PCSK5: variants seen among roughly 807,000 people sequenced by gnomAD.
The protein encoded by PCSK5 is proprotein convertase subtilisin/kexin type 5, also known as prohormone convertase 5.
In PCSK5, 129 loss-of-function variants were observed where a neutral mutation model predicts 233.2. The observed-to-expected ratio is 0.55, with a 90% CI of 0.48 to 0.64. The LOEUF is 0.64. Among genes scored for constraint, PCSK5 ranks in the 30% least tolerant of loss-of-function variants. The pLI is 0.00. For synonymous variants in PCSK5, 825 were observed against 879.2 expected (o/e 0.94, Z 1.09); for missense variants, 2,076 against 2,430.1 (o/e 0.85, Z 3.06).
intron 30 of PCSK5, 94 bp from the exon 31 acceptor site, chr9:76,321,328 C>T: frequency 2.9e-6 from 2 of 698,224 alleles, no homozygotes; most frequent in South Asian, 3.2e-5. Context: ...CAGCAGCAGC[C>T]CTTTTGTTTT....
intron 24 of PCSK5, chr9:76,286,375 T>G (rs1218418163): frequency 1.3e-5 from 2 of 152,262 alleles, no homozygotes; most frequent in African/African-American, 4.8e-5. Flanking sequence ...TGCCCACATC[T>G]GAACACATTC....
At chr9:76,118,382 T>G (rs1254176352) in intron 9 of PCSK5, among the ~76,000 whole-genome samples, 2 of 152,294 alleles carry the variant, frequency 1.3e-5, no homozygotes, top group East Asian at 3.9e-4. Context: ...ATTTTCTTAC[T>G]TGTATGAAAT....
chr9:76,170,939 G>A (rs1455926709), intron 13 of PCSK5, among the ~76,000 whole-genome samples: 2 of 152,114 alleles, frequency 1.3e-5, no homozygotes, highest in African/African-American at 4.8e-5. Flanking sequence ...CTGTAATGAG[G>A]TTCATCTTTG....
rs568698897 is a variant in PCSK5, at chr9:76,212,627, T to C, written c.2627-14876T>C. 3.3e-5 allele frequency among the ~76,000 whole-genome samples: 5 copies of C among 152,340 alleles called. No homozygotes were observed. The South Asian group carries it at 1.0e-3, about 32-fold the overall frequency. ...TGCTACCACCATTTTCTTAACTCAC[T>C]CAAGTTTAAGTCCATCAACTCGACT... On this transcript the variant is annotated intron_variant, in intron 20 of 37. Transcript: ENST00000674117.
intron 2 of PCSK5, among the ~76,000 whole-genome samples, chr9:75,966,676 G>A (rs933926108): frequency 9.2e-5 from 14 of 152,188 alleles, no homozygotes; most frequent in Non-Finnish European, 8.8e-5. Context: ...TTTGTAGGAA[G>A]GGTGGTAGTG....
chr9:75,968,042 G>A (rs1009933053), intron 2 of PCSK5, among the ~76,000 whole-genome samples: 8 of 152,212 alleles, frequency 5.3e-5, no homozygotes, highest in African/African-American at 1.4e-4. Context: ...GATTACAGAC[G>A]TGAGCCACTG....
chr9:75,966,634 C>T (rs1420803418), intron 2 of PCSK5, among the ~76,000 whole-genome samples: 1 of 152,122 alleles, frequency 6.6e-6, no homozygotes, highest in Non-Finnish European at 1.5e-5. Flanking sequence ...CCAGGGTGTC[C>T]ACTTGACCTG....
chr9:76,240,473 A>T, intron 23 of PCSK5, 143 bp from the exon 24 acceptor site: 1 of 637,258 alleles, frequency 1.6e-6, no homozygotes. Flanking sequence ...GAAACCACAT[A>T]TATCCTCGAG....
intron 9 of PCSK5, among the ~76,000 whole-genome samples, chr9:76,111,492 T>C (rs924093300): frequency 6.6e-6 from 1 of 152,190 alleles, no homozygotes. Context: ...AATACTTTAA[T>C]CTTAAAAGAG....
chr9:76,164,600 A>G (rs1171808813), intron 12 of PCSK5, among the ~76,000 whole-genome samples: 1 of 152,182 alleles, frequency 6.6e-6, no homozygotes, highest in Non-Finnish European at 1.5e-5. Context: ...GGTGAGGTCC[A>G]AGGATGTGCA....
intron 6 of PCSK5, among the ~76,000 whole-genome samples, chr9:76,068,686 CTT>C (rs139436642): frequency 0.044 from 6,759 of 152,244 alleles, 489 homozygotes; most frequent in African/African-American, 0.15. Flanking sequence ...AAAGCAAACT[CTT>C]AACTTTCCCA....
chr9:76,014,693 G>A (rs995062604), intron 3 of PCSK5, among the ~76,000 whole-genome samples: 6 of 152,098 alleles, frequency 3.9e-5, no homozygotes, highest in African/African-American at 1.4e-4. Context: ...CTTCTGCCAG[G>A]AGGATTGAAC....
intron 3 of PCSK5, among the ~76,000 whole-genome samples, chr9:76,011,789 AT>A (rs1170605908): frequency 6.6e-6 from 1 of 152,166 alleles, no homozygotes; most frequent in Non-Finnish European, 1.5e-5. Flanking sequence ...GCCAGAGTTT[AT>A]TGCCTGATGC....
intron 20 of PCSK5, among the ~76,000 whole-genome samples, chr9:76,190,718 A>G (rs1333067684): frequency 6.6e-6 from 1 of 152,214 alleles, no homozygotes; most frequent in Admixed American, 6.5e-5. Context: ...TTTTCATCTT[A>G]CAGAAGGGAA....
chr9:75,928,739 A>T (rs1240152330), intron 1 of PCSK5, among the ~76,000 whole-genome samples: 1 of 150,402 alleles, frequency 6.6e-6, no homozygotes, highest in African/African-American at 2.4e-5. Context: ...AATGAAAGAA[A>T]ATAAAGGGTA....
At chr9:76,146,335 A>G (rs1374955178) in intron 10 of PCSK5, among the ~76,000 whole-genome samples, 1 of 151,992 alleles carries the variant, frequency 6.6e-6, no homozygotes, top group Non-Finnish European at 1.5e-5. Context: ...ATAAAAAAAA[A>G]TAGCCAAAGC....
At chr9:76,174,734 TC>T (rs1823494592) in intron 13 of PCSK5, among the ~76,000 whole-genome samples, 1 of 152,206 alleles carries the variant, frequency 6.6e-6, no homozygotes, top group Non-Finnish European at 1.5e-5. Flanking sequence ...TTCTCAGTCT[TC>T]CTATAAATGC....
At chr9:76,114,511 G>A (rs1164920493) in intron 9 of PCSK5, among the ~76,000 whole-genome samples, 1 of 151,990 alleles carries the variant, frequency 6.6e-6, no homozygotes, top group Admixed American at 6.6e-5. Flanking sequence ...TATTATAACT[G>A]GAAAAGCCCT....
intron 24 of PCSK5, chr9:76,287,489 T>G (rs1828115886): frequency 6.5e-6 from 1 of 154,650 alleles, no homozygotes; most frequent in African/African-American, 2.4e-5. Flanking sequence ...AGATGGAGTC[T>G]CACTCTGTCG....
Sources: allele counts gnomAD v4.1 joint callset (sites outside exome capture counted in the v4.1 genomes callset), GRCh38; gene constraint gnomAD v4.1.1; transcripts MANE v1.5; gene names NCBI Gene and HGNC (gene_info 2026-07-23, HGNC 2026-07-21).